The following GPR108 variants were observed in gnomAD, a reference collection of about 807,000 sequenced individuals.
GPR108 encodes protein GPR108.
In GPR108, 60 loss-of-function variants were observed where a neutral mutation model predicts 74.3. The observed-to-expected ratio is 0.81, with a 90% CI of 0.66 to 1.00. GPR108 has a LOEUF of 1.00. Among genes scored for constraint, GPR108 ranks in the 50% least tolerant of loss-of-function variants. The pLI is 0.00. For synonymous variants in GPR108, 311 were observed against 292.4 expected, an observed-to-expected ratio of 1.06 and a Z score of -0.65; for missense variants, 667 against 703.3, an observed-to-expected ratio of 0.95 and a Z score of 0.58.
At chr19:6,734,637 G>T (rs1489965467) in intron 4 of GPR108, among the ~76,000 whole-genome samples, 1 of 152,108 alleles carries the variant, frequency 6.6e-6, no homozygotes, top group African/African-American at 2.4e-5. Context: ...AAATTCCTGG[G>T]ATCAGGCAAT....
rs770111278 is a variant in GPR108, at chr19:6,734,057, G to A, written c.500-3C>T. The A allele has an allele frequency of 2.8e-5, 45 of 1,614,114 alleles. No homozygotes were observed. The highest frequency in any genetic ancestry group is 3.7e-5 in the Non-Finnish European group (44 of 1,180,036). ...CTTGCTGGCTGCAGAGGTCCCTCCT[G>A]TAAGAGACCGGGCAGTGATTTTAAG... On this transcript the variant is annotated splice_polypyrimidine_tract_variant and splice_region_variant and intron_variant, in intron 5 of 17. Coordinates refer to ENST00000264080, the MANE Select transcript of GPR108 (RefSeq NM_001080452.2).
At chr19:6,733,754 T>C (rs1968519032) in intron 7 of GPR108, 80 bp from the exon 8 acceptor site, 1 of 1,579,204 alleles carries the variant, frequency 6.3e-7, no homozygotes, top group Non-Finnish European at 8.7e-7. Flanking sequence ...GGTCCCATGG[T>C]CTGGGGCGAT....
At position 6,732,520 on chromosome 19, in the gene GPR108, G is replaced by A. The variant is rs762080395; in HGVS notation, c.963C>T (p.Gly321=). 1.2e-6 allele frequency: 2 copies of A among 1,613,840 alleles called. No individual in the cohort carries two copies. Among genetic ancestry groups the A allele is most frequent in the East Asian group, 2.2e-5 (1 of 44,878 alleles). Residue 321 remains glycine (G), a synonymous_variant, in exon 11 of 18, where the codon GGC becomes GGT. Transcript: ENST00000264080. ...TGACGGCAAGGCCTTCGATGGGGTG[G>A]CCCTGGCTGTTGATGAAGTAGTAGT... ...SINYYFINSQ[G]HPIEGLAVMY...
In GPR108 at chr19:6,735,609, G is replaced by T; in HGVS notation, c.374+13C>A. The T allele has an allele frequency of 1.2e-6, 2 of 1,612,242 alleles. No homozygotes were observed. Among genetic ancestry groups the T allele is most frequent in the Non-Finnish European group, 1.7e-6 (2 of 1,178,336 alleles). ...GACGAAGGATCTGAGCGAGCCCCCG[G>T]TCCCCAACTCACTGCAGATCCTTGG... On this transcript the variant is annotated intron_variant, in intron 4 of 17. Coordinates refer to ENST00000264080, the MANE Select transcript of GPR108 (RefSeq NM_001080452.2).
intron 11 of GPR108, 23 bp downstream of exon 11, chr19:6,732,453 C>T: frequency 6.2e-7 from 1 of 1,612,866 alleles, no homozygotes; most frequent in Non-Finnish European, 8.5e-7. Flanking sequence ...CCCCAGCTGC[C>T]CAGCAGAGTG....
In GPR108 at chr19:6,732,395, G is replaced by A. The variant is rs753086617; in HGVS notation, c.1008-15C>T. ...CGCCCTTCAGCCTGAAGGAGCAGGG[G>A]AGGGCGTGATGATGAGGTGGGGGGC... is the stretch of plus-strand genomic sequence containing the variant. On this transcript the variant is annotated splice_polypyrimidine_tract_variant and intron_variant, in intron 11 of 17. Transcript: ENST00000264080. 5 of 1,613,108 alleles carry A rather than the reference G, an allele frequency of 3.1e-6. No homozygotes were observed. The highest frequency in any genetic ancestry group is 2.2e-5 in the East Asian group (1 of 44,878).
intron 1 of GPR108, chr19:6,737,015 C>T: frequency 2.3e-6 from 1 of 427,724 alleles, no homozygotes; most frequent in Non-Finnish European, 4.3e-6. Context: ...CTTCACCTTC[C>T]CGAAGAACTT....
chr19:6,731,930 T>C lies in GPR108; in HGVS notation c.1261A>G (p.Ile421Val), dbSNP rs1781041028. The C allele has an allele frequency of 6.2e-7, 1 of 1,613,054 alleles. No homozygotes were observed. Among genetic ancestry groups the C allele is most frequent in the East Asian group, 2.2e-5 (1 of 44,842 alleles). Residue 421 changes from isoleucine to valine, a missense_variant, in exon 14 of 18, where the codon ATC (isoleucine) becomes GTC (valine). By Grantham distance (29) the Ile-to-Val change is conservative (BLOSUM62 3). Transcript: ENST00000264080. Reference sequence around the variant, plus strand: ...CCAGACGCATCCTGGAGATGCCGGATGGACCTGGGACAAGTGGAGGACACA... The same window carrying C: ...CCAGACGCATCCTGGAGATGCCGGACGGACCTGGGACAAGTGGAGGACACA... Reference protein sequence around the residue: ...GAILFPVVWSIRHLQDASGTD... With the variant: ...GAILFPVVWSVRHLQDASGTD...
rs376404694 is a variant in GPR108, at chr19:6,733,668, C to G, written c.625G>C (p.Val209Leu). 2 of 1,614,012 alleles carry G rather than the reference C, an allele frequency of 1.2e-6. No homozygotes were observed. The highest frequency in any genetic ancestry group is 1.3e-5 in the African/African-American group (1 of 75,028). The change falls in exon 8 of 18, where the codon GTG becomes CTG. Residue 209 changes from valine to leucine, a missense_variant. Physicochemically the swap from Val to Leu is conservative, Grantham distance 32 (BLOSUM62 1). Coordinates refer to ENST00000264080, the MANE Select transcript of GPR108 (RefSeq NM_001080452.2). The part of the protein sequence containing the change: ...LNNSYNFSFH[V>L]VIGSQAEEGQ... ...TCTTCCGCCTGAGAGCCGATCACCA[C>G]GTGGAACTGGGCGGGCGGGGAGAGA...
chr19:6,733,423 T>C (rs775548824), intron 8 of GPR108, 122 bp from the exon 9 acceptor site: 70 of 1,291,646 alleles, frequency 5.4e-5, no homozygotes, highest in Non-Finnish European at 7.4e-5. Context: ...ACTCTGAGCC[T>C]CAGTTGGCCC....
chr19:6,733,411 C>G, intron 8 of GPR108, 110 bp from the exon 9 acceptor site: 2 of 1,304,910 alleles, frequency 1.5e-6, no homozygotes, highest in Non-Finnish European at 2.1e-6. Context: ...GGCCACTCAT[C>G]CACTCTGAGC....
At chr19:6,732,958 C>A in intron 10 of GPR108, 29 bp downstream of exon 10, 2 of 1,553,770 alleles carry the variant, frequency 1.3e-6, no homozygotes, top group South Asian at 1.2e-5. Flanking sequence ...CAGCCCACCC[C>A]CCGCTGCTCC....
chr19:6,731,865 G>A (rs376468906), intron 14 of GPR108, 26 bp downstream of exon 14: 5 of 1,610,744 alleles, frequency 3.1e-6, no homozygotes, highest in South Asian at 1.1e-5. Context: ...GCCATGAGCA[G>A]AGGGCCTGCA....
chr19:6,733,038 C>T lies in GPR108; in HGVS notation c.882G>A (p.Trp294Ter). The T allele has an allele frequency of 6.2e-7, 1 of 1,612,940 alleles. No individual in the cohort carries two copies. Among genetic ancestry groups the T allele is most frequent in the Non-Finnish European group, 8.5e-7 (1 of 1,179,526 alleles). The change falls in exon 10 of 18, where the codon TGG (tryptophan) becomes TGA (stop). Residue 294 changes from tryptophan to a stop codon, truncating the protein, a stop_gained. Coordinates refer to ENST00000264080, the MANE Select transcript of GPR108 (RefSeq NM_001080452.2). LOFTEE classifies it high-confidence loss of function. ...TGGTGAAGGCCAAGGCCGCCATGAG[C>T]CAGTGGATCTTGAAGACGCTGTACC... ...RNTYSVFKIH[W>*]LMAALAFTKS...
rs745689417 is a variant in GPR108, at chr19:6,733,340, G to A, written c.724-39C>T. 1.9e-6 allele frequency: 3 copies of A among 1,597,538 alleles called. No individual in the cohort carries two copies. In the South Asian group the frequency reaches 3.3e-5, roughly 18 times the overall value. ...AGTGGTGGGCGGCGGCAGGGGCACA[G>A]CCCGACCGCTGGCCTGGGAGAGCAG... is the stretch of plus-strand genomic sequence containing the variant. On this transcript the variant is annotated intron_variant, in intron 8 of 17. Coordinates refer to ENST00000264080, the MANE Select transcript of GPR108 (RefSeq NM_001080452.2).
At chr19:6,737,331 G>A (rs1968682796) in intron 1 of GPR108, 126 bp downstream of exon 1, 1 of 1,221,804 alleles carries the variant, frequency 8.2e-7, no homozygotes. Flanking sequence ...GCCCGGAAAC[G>A]GGGGGCGCCG....
chr19:6,733,088 G>T (rs900492120), intron 9 of GPR108, 26 bp from the exon 10 acceptor site: 6 of 1,613,696 alleles, frequency 3.7e-6, no homozygotes, highest in Admixed American at 1.7e-5. Flanking sequence ...GGGAGAGATG[G>T]GGGTGCGGGG....
chr19:6,737,280 T>A (rs1391732322), intron 1 of GPR108, 177 bp downstream of exon 1: 1 of 808,746 alleles, frequency 1.2e-6, no homozygotes, highest in Admixed American at 3.7e-5. Context: ...GGCAACTCCA[T>A]CCGGAGGACC....
rs755715562 is a variant in GPR108, at chr19:6,735,954, C to G, written c.245G>C (p.Gly82Ala). 2 of 1,608,910 alleles carry G rather than the reference C, an allele frequency of 1.2e-6. No homozygotes were observed. The highest frequency in any genetic ancestry group is 4.5e-5 in the East Asian group (2 of 44,752). Residue 82 changes from glycine to alanine, a missense_variant, in exon 3 of 18, where the codon GGG (glycine) becomes GCG (alanine). Gly to Ala is a moderately conservative substitution (Grantham distance 60, BLOSUM62 0). Coordinates refer to ENST00000264080, the MANE Select transcript of GPR108 (RefSeq NM_001080452.2). ...AGACCGAACCCGGCTGAGACTGAAC[C>G]CCACCTGGTGGGTGGAAAAAAAAAG... ...REAEEKSLLVGFSLSRVRSGR... is the reference protein window; with the variant it reads ...REAEEKSLLVAFSLSRVRSGR...
Sources: gnomAD v4.1 joint callset for allele counts (sites outside exome capture counted in the v4.1 genomes callset) on GRCh38, gnomAD v4.1.1 for gene constraint, MANE v1.5 for transcripts, NCBI Gene and HGNC (gene_info 2026-07-23, HGNC 2026-07-21) for gene names.